HHLA2: variants seen among roughly 807,000 people sequenced by gnomAD.
HHLA2 encodes the protein HERV-H LTR-associating protein 2.
Under a neutral mutation model 45.9 loss-of-function variants are expected in HHLA2, and 48 were observed. That is an observed-to-expected ratio of 1.05 (90% confidence interval 0.83 to 1.33). The LOEUF (loss-of-function observed/expected upper bound fraction) is 1.33. HHLA2 is among the 40% of genes most tolerant of loss of function. HHLA2 has a pLI of 0.00. For synonymous variants in HHLA2, 161 were observed against 173.9 expected, an observed-to-expected ratio of 0.93 and a Z score of 0.59; for missense variants, 462 against 494.3, an observed-to-expected ratio of 0.93 and a Z score of 0.62.
intron 3 of HHLA2, among the ~76,000 whole-genome samples, chr3:108,332,364 T>G (rs1259526008): frequency 6.6e-6 from 1 of 152,172 alleles, no homozygotes; most frequent in Non-Finnish European, 1.5e-5. Flanking sequence ...ATATGAAAAT[T>G]TTCCATAACA....
chr3:108,308,913 C>T lies in HHLA2; in HGVS notation c.-191-1742C>T, dbSNP rs964588051. Among the ~76,000 whole-genome samples the T allele has an allele frequency of 3.3e-5, 5 of 152,074 alleles. No individual in the cohort carries two copies. The East Asian group carries it at 9.6e-4, about 29-fold the overall frequency. ...CCTTATATAGTCTGGTGATGAATCCCTTGTCAGAGGGGTAGTTTGCAAATA... is the reference window on the plus strand; with the variant it reads ...CCTTATATAGTCTGGTGATGAATCCTTTGTCAGAGGGGTAGTTTGCAAATA... On this transcript the variant is annotated intron_variant, in intron 1 of 10. Transcript: ENST00000619531.
intron 3 of HHLA2, among the ~76,000 whole-genome samples, chr3:108,341,543 A>T (rs1029156513): frequency 6.6e-6 from 1 of 152,192 alleles, no homozygotes; most frequent in African/African-American, 2.4e-5. Flanking sequence ...AAAATATAAC[A>T]CATCTTCTTT....
chr3:108,328,126 C>CT (rs2081320313), intron 2 of HHLA2: 1 of 487,460 alleles, frequency 2.1e-6, no homozygotes, highest in South Asian at 3.5e-5. Flanking sequence ...GAATGAGACT[C>CT]TGTCTCGAAG....
chr3:108,319,470 C>G (rs923471462), intron 2 of HHLA2, among the ~76,000 whole-genome samples: 5 of 152,154 alleles, frequency 3.3e-5, no homozygotes, highest in African/African-American at 1.2e-4. Flanking sequence ...ACCAATAAAT[C>G]TTCTGCAATA....
At position 108,368,535 on chromosome 3, in the gene HHLA2, CAAAAAAAAAAAAAAAAAAA is replaced by C. The variant is rs55718572; in HGVS notation, c.1108+6106_1108+6124del. Among the ~76,000 whole-genome samples, 50 of 6,602 alleles carry C rather than the reference CAAAAAAAAAAAAAAAAAAA, an allele frequency of 7.6e-3. 3 individuals are homozygous for C. The highest frequency in any genetic ancestry group is 0.073 in the Admixed American group (29 of 398). 4.3% of individuals were successfully genotyped at this position (6,602 alleles called of 152,430 possible). ...GAATATTTACCAAGCAAACGAAGAGCAAAAAAAAAAAAAAAAAAAAAAAAAAAAAAAAAAAGCAGGGGTT... is the reference window on the plus strand; with the variant it reads ...GAATATTTACCAAGCAAACGAAGAGCAAAAAAAAAAAAAAAAGCAGGGGTT... On this transcript the variant is annotated intron_variant, in intron 8 of 10. Transcript: ENST00000619531.
At chr3:108,367,989 A>C (rs59073035) in intron 8 of HHLA2, among the ~76,000 whole-genome samples, 3,472 of 152,320 alleles carry the variant, frequency 0.023, 114 homozygotes, top group African/African-American at 0.079. Context: ...AGGGAAGTCC[A>C]TCAGACTAAC....
In HHLA2 at chr3:108,326,005, GA is replaced by G. The variant is rs139666995; in HGVS notation, c.-104-2262del. On this transcript the variant is annotated intron_variant, in intron 2 of 10. Coordinates refer to ENST00000619531, the Ensembl canonical transcript of HHLA2. ...GGGAGTCATGGTCATCAAAAGTTAT[GA>G]AAGCAAAGCCCCTCTTCTTGCCACT... The G allele has an allele frequency of 6.8e-3, 2,165 of 320,222 alleles. 35 individuals are homozygous for G. Among genetic ancestry groups the G allele is most frequent in the African/African-American group, 0.043 (1,933 of 45,160 alleles). 19.8% of individuals were successfully genotyped at this position (320,222 alleles called of 1,614,324 possible). A position where few individuals can be genotyped will look rare whatever the true frequency, so the allele number is the denominator to read the frequency against.
At chr3:108,359,098 G>A (rs1309250523) in intron 7 of HHLA2, among the ~76,000 whole-genome samples, 1 of 151,926 alleles carries the variant, frequency 6.6e-6, no homozygotes, top group Non-Finnish European at 1.5e-5. Context: ...AAAAATAAAA[G>A]TGTCAGTTTT....
Position 108,315,792 on chromosome 3 carries a change from C to T in HHLA2, c.-105+5051C>T, listed in dbSNP as rs537523500. Among the ~76,000 whole-genome samples the T allele has an allele frequency of 5.3e-5, 8 of 152,218 alleles. No homozygotes were observed. The South Asian group carries it at 1.2e-3, about 24-fold the overall frequency. On this transcript the variant is annotated intron_variant, in intron 2 of 10. Coordinates refer to ENST00000619531, the Ensembl canonical transcript of HHLA2. ...TTTTAAACTAGAATGCTATACCTTG[C>T]GTTTTCTTTTATCTTGATTTTTCAA...
chr3:108,338,887 A>C (rs1357695769), intron 3 of HHLA2, among the ~76,000 whole-genome samples: 1 of 152,198 alleles, frequency 6.6e-6, no homozygotes, highest in Non-Finnish European at 1.5e-5. Flanking sequence ...TCCCCTACAC[A>C]CTTAGCAAGA....
intron 2 of HHLA2, among the ~76,000 whole-genome samples, chr3:108,328,027 G>T (rs1222653447): frequency 1.3e-5 from 2 of 152,208 alleles, no homozygotes; most frequent in African/African-American, 4.8e-5. Flanking sequence ...CAGCTACTTG[G>T]GAGGCTGAGG....
chr3:108,375,883 T>A, intron 9 of HHLA2, 83 bp downstream of exon 8: 2 of 1,523,490 alleles, frequency 1.3e-6, no homozygotes, highest in Non-Finnish European at 1.8e-6. Context: ...TCTGTCACAG[T>A]ATTGGCCACT....
chr3:108,372,835 A>G (rs1208032254), intron 8 of HHLA2, among the ~76,000 whole-genome samples: 5 of 152,238 alleles, frequency 3.3e-5, no homozygotes, highest in African/African-American at 1.2e-4. Context: ...GGCAATAATC[A>G]ATAGCTTACC....
chr3:108,330,239 T>C (rs1344088335), intron 3 of HHLA2, among the ~76,000 whole-genome samples: 1 of 152,116 alleles, frequency 6.6e-6, no homozygotes, highest in Non-Finnish European at 1.5e-5. Flanking sequence ...CCAGCCCTGG[T>C]ACAGTGTGGG....
chr3:108,333,844 A>T (rs1286872697), intron 3 of HHLA2, among the ~76,000 whole-genome samples: 7 of 152,130 alleles, frequency 4.6e-5, no homozygotes, highest in Admixed American at 4.6e-4. Flanking sequence ...GATGACATTG[A>T]ATTCCTTCCC....
intron 3 of HHLA2, among the ~76,000 whole-genome samples, chr3:108,345,718 C>G (rs1290761770): frequency 6.6e-6 from 1 of 152,178 alleles, no homozygotes; most frequent in Non-Finnish European, 1.5e-5. Context: ...CACCTTTCAC[C>G]TGTTTCCAGA....
intron 3 of HHLA2, among the ~76,000 whole-genome samples, chr3:108,343,494 G>A (rs1007364231): frequency 6.6e-5 from 10 of 152,212 alleles, no homozygotes; most frequent in African/African-American, 2.4e-4. Context: ...ATAGGTGCAA[G>A]TACTTGATAG....
chr3:108,320,198 T>G (rs1308406034), intron 2 of HHLA2, among the ~76,000 whole-genome samples: 3 of 152,146 alleles, frequency 2.0e-5, no homozygotes, highest in Admixed American at 6.5e-5. Context: ...AATTTTAAGG[T>G]TTTTGATATT....
At chr3:108,308,967 C>T (rs996083753) in intron 1 of HHLA2, among the ~76,000 whole-genome samples, 3 of 152,144 alleles carry the variant, frequency 2.0e-5, no homozygotes, top group African/African-American at 7.2e-5. Context: ...GTTGTCTCTT[C>T]ACTTTGTTGA....
Sources: allele counts gnomAD v4.1 joint callset (sites outside exome capture counted in the v4.1 genomes callset), GRCh38; gene constraint gnomAD v4.1.1; transcripts MANE v1.5; gene names NCBI Gene and HGNC (gene_info 2026-07-23, HGNC 2026-07-21).